The following ESCO1 variants were observed in gnomAD, a reference collection of about 807,000 sequenced individuals.
The protein encoded by ESCO1 is N-acetyltransferase ESCO1.
In ESCO1, 33 loss-of-function variants were observed where a neutral mutation model predicts 83.5. The ratio of observed to expected loss-of-function variants is 0.40; its 90% CI spans 0.30 to 0.53. The LOEUF (loss-of-function observed/expected upper bound fraction) is 0.53, where lower values mean the gene tolerates loss of function less well. Ranked by LOEUF, ESCO1 falls within the 20% of genes least tolerant of loss-of-function variation. The pLI, the probability that ESCO1 is intolerant of heterozygous loss-of-function variation, is 0.63. For synonymous variants in ESCO1, 332 were observed against 324.3 expected, an observed-to-expected ratio of 1.02 and a Z score of -0.25; for missense variants, 855 against 968.0, an observed-to-expected ratio of 0.88 and a Z score of 1.55.
intron 1 of ESCO1, among the ~76,000 whole-genome samples, chr18:21,598,681 G>A (rs190508663): frequency 4.6e-5 from 7 of 151,346 alleles, no homozygotes; most frequent in East Asian, 3.9e-4. Context: ...CAGCCCGGAC[G>A]ACAGAGTGAG....
At chr18:21,560,714 G>T in intron 8 of ESCO1, 145 bp downstream of exon 8, 1 of 847,286 alleles carries the variant, frequency 1.2e-6, no homozygotes, top group Non-Finnish European at 1.7e-6. Flanking sequence ...TAAAAAGCCA[G>T]TATACATACT....
chr18:21,543,770 C>G (rs1471589945), intron 8 of ESCO1, among the ~76,000 whole-genome samples: 1 of 152,014 alleles, frequency 6.6e-6, no homozygotes, highest in Non-Finnish European at 1.5e-5. Flanking sequence ...GGGAAAAAAA[C>G]AGAACCAGGG....
At chr18:21,565,131 AAAAC>A (rs1330213803) in intron 6 of ESCO1, among the ~76,000 whole-genome samples, 1 of 151,988 alleles carries the variant, frequency 6.6e-6, no homozygotes, top group Non-Finnish European at 1.5e-5. Flanking sequence ...TTTCAGTAAA[AAAAC>A]AAAAACTAAT....
chr18:21,530,586 A>T, intron 11 of ESCO1, 96 bp from the exon 12 acceptor site: 2 of 1,232,380 alleles, frequency 1.6e-6, no homozygotes, highest in Non-Finnish European at 2.2e-6. Flanking sequence ...TGTCAAATAC[A>T]ATTTGACTAA....
intron 7 of ESCO1, among the ~76,000 whole-genome samples, chr18:21,563,342 T>G (rs2038214168): frequency 1.3e-5 from 2 of 152,052 alleles, no homozygotes; most frequent in African/African-American, 4.8e-5. Context: ...AAGGGGGTTG[T>G]AATAACACCA....
At chr18:21,585,379 C>T (rs1234290343) in intron 1 of ESCO1, among the ~76,000 whole-genome samples, 1 of 152,072 alleles carries the variant, frequency 6.6e-6, no homozygotes, top group African/African-American at 2.4e-5. Context: ...CTTTGGCCAA[C>T]CAGATGCCAG....
intron 2 of ESCO1, among the ~76,000 whole-genome samples, chr18:21,577,531 G>A (rs566450940): frequency 2.6e-5 from 4 of 151,070 alleles, no homozygotes; most frequent in African/African-American, 7.3e-5. Context: ...GTGGTGGCAG[G>A]TGCCTGTAGT....
intron 11 of ESCO1, among the ~76,000 whole-genome samples, chr18:21,531,289 G>T (rs2037763753): frequency 6.6e-6 from 1 of 151,910 alleles, no homozygotes; most frequent in Non-Finnish European, 1.5e-5. Context: ...CAAAACAAAT[G>T]AAATTTTTGC....
chr18:21,586,529 T>C (rs1281233936), intron 1 of ESCO1, among the ~76,000 whole-genome samples: 1 of 152,230 alleles, frequency 6.6e-6, no homozygotes, highest in East Asian at 1.9e-4. Context: ...GCAATTATTT[T>C]CTTAATTTCC....
At chr18:21,591,675 T>TA (rs376182345) in intron 1 of ESCO1, among the ~76,000 whole-genome samples, 43 of 151,134 alleles carry the variant, frequency 2.8e-4, no homozygotes, top group Middle Eastern at 3.4e-3. Flanking sequence ...TTTTTTTTTT[T>TA]AATTTTTATT....
intron 8 of ESCO1, among the ~76,000 whole-genome samples, chr18:21,554,783 A>G (rs1487504960): frequency 6.6e-6 from 1 of 151,996 alleles, no homozygotes; most frequent in Non-Finnish European, 1.5e-5. Flanking sequence ...GTGGTGCACA[A>G]CTGCAGTCAC....
rs1439069602 is a variant in ESCO1, at chr18:21,566,140, G to A, written c.1706+6C>T. ...CTTAAGCTCTAAAATTTAATTAATAGCTTACCTGTTATCACTGCTTTTAGA... is the reference window on the plus strand; with the variant it reads ...CTTAAGCTCTAAAATTTAATTAATAACTTACCTGTTATCACTGCTTTTAGA... On this transcript the variant is annotated splice_donor_region_variant and intron_variant, in intron 6 of 11. Coordinates refer to ENST00000269214, the MANE Select transcript of ESCO1 (RefSeq NM_052911.3). The A allele has an allele frequency of 6.2e-7, 1 of 1,610,638 alleles. No homozygotes were observed. Among genetic ancestry groups the A allele is most frequent in the Admixed American group, 1.7e-5 (1 of 59,644 alleles).
chr18:21,536,613 C>A (rs910306791), intron 9 of ESCO1, among the ~76,000 whole-genome samples: 18 of 145,388 alleles, frequency 1.2e-4, no homozygotes, highest in African/African-American at 4.0e-4. Context: ...AAAAAAAGTT[C>A]TTTTGAATGA....
At chr18:21,549,669 G>A (rs1173738122) in intron 8 of ESCO1, among the ~76,000 whole-genome samples, 1 of 152,094 alleles carries the variant, frequency 6.6e-6, no homozygotes, top group East Asian at 1.9e-4. Context: ...TCCCAATTAG[G>A]ATACAGAAGG....
In ESCO1 at chr18:21,529,946, A is replaced by C; in HGVS notation, c.*397T>G. 1 of 155,124 alleles carries C rather than the reference A, an allele frequency of 6.4e-6. No homozygotes were observed. The highest frequency in any genetic ancestry group is 1.4e-5 in the Non-Finnish European group (1 of 69,704). 9.6% of individuals were successfully genotyped at this position (155,124 alleles called of 1,614,324 possible). A position where few individuals can be genotyped will look rare whatever the true frequency, so the allele number is the denominator to read the frequency against. On this transcript the variant is annotated 3_prime_UTR_variant, in exon 12 of 12. Coordinates refer to ENST00000269214, the MANE Select transcript of ESCO1 (RefSeq NM_052911.3). ...TACAATCTTTAAGCCTATCACTGGT[A>C]TCAGCAGATCAATATAAAAAAATAC...
chr18:21,549,303 C>T (rs1175057890), intron 8 of ESCO1, among the ~76,000 whole-genome samples: 1 of 152,132 alleles, frequency 6.6e-6, no homozygotes, highest in Non-Finnish European at 1.5e-5. Flanking sequence ...CTGTGAAGCA[C>T]AAGAGTCAAC....
At chr18:21,541,291 T>C (rs1856759871) in intron 8 of ESCO1, among the ~76,000 whole-genome samples, 1 of 152,026 alleles carries the variant, frequency 6.6e-6, no homozygotes, top group South Asian at 2.1e-4. Context: ...TTCTTCAACG[T>C]AAATAAGGTT....
intron 2 of ESCO1, among the ~76,000 whole-genome samples, chr18:21,580,097 G>A (rs1235994923): frequency 1.3e-5 from 2 of 151,660 alleles, no homozygotes; most frequent in Admixed American, 1.3e-4. Context: ...CGGGTTTTCG[G>A]TGTATTGGTC....
intron 4 of ESCO1, among the ~76,000 whole-genome samples, chr18:21,570,384 C>A (rs562874629): frequency 6.6e-6 from 1 of 152,258 alleles, no homozygotes; most frequent in East Asian, 1.9e-4. Flanking sequence ...CAGGCATGAG[C>A]CACTGTGCCT....
Sources: allele counts gnomAD v4.1 joint callset (sites outside exome capture counted in the v4.1 genomes callset), GRCh38; gene constraint gnomAD v4.1.1; transcripts MANE v1.5; gene names NCBI Gene and HGNC (gene_info 2026-07-23, HGNC 2026-07-21).